The following MACF1 variants were observed in gnomAD, a reference collection of about 807,000 sequenced individuals.
The protein encoded by MACF1 is microtubule-actin cross-linking factor 1.
A neutral mutation model predicts 854.8 loss-of-function variants in MACF1; 193 were observed. The ratio of observed to expected loss-of-function variants is 0.23; its 90% CI spans 0.20 to 0.25. The LOEUF (loss-of-function observed/expected upper bound fraction) is 0.25. MACF1 is among the 10% of genes least tolerant of loss of function. The probability of loss-of-function intolerance (pLI) is 1.00; values close to 1 mark genes in which losing one functional copy is unlikely to be tolerated. For synonymous variants in MACF1, 3,185 were observed against 3,226.7 expected (o/e 0.99, Z 0.44); for missense variants, 7,722 against 8,929.1 (o/e 0.86, Z 5.45).
chr1:39,191,917 G>A (rs1267392387), intron 2 of MACF1, among the ~76,000 whole-genome samples: 7 of 152,226 alleles, frequency 4.6e-5, no homozygotes, highest in Admixed American at 3.3e-4. Context: ...TTGGGAGGCC[G>A]AAGCAGGTGG....
intron 6 of MACF1, chr1:39,269,725 G>A (rs754548065): frequency 7.8e-7 from 1 of 1,286,714 alleles, no homozygotes; most frequent in South Asian, 1.2e-5. Context: ...GAAGAGGTAG[G>A]TGGGCATGTT....
chr1:39,223,190 G>T (rs968523934), intron 1 of MACF1, among the ~76,000 whole-genome samples: 1 of 152,160 alleles, frequency 6.6e-6, no homozygotes, highest in Admixed American at 6.5e-5. Flanking sequence ...GAGAAAACCT[G>T]CCCCATTTGC....
intron 97 of MACF1, among the ~76,000 whole-genome samples, chr1:39,475,114 G>A (rs916480195): frequency 2.0e-5 from 3 of 152,096 alleles, no homozygotes; most frequent in Non-Finnish European, 2.9e-5. Flanking sequence ...TCAAAAAAAC[G>A]AAAAGTCACG....
At chr1:39,284,224 C>A in intron 10 of MACF1, 39 bp downstream of exon 10, 2 of 1,604,718 alleles carry the variant, frequency 1.2e-6, no homozygotes, top group East Asian at 2.2e-5. Context: ...TAAAATCTTT[C>A]TAGGGAGTAA....
chr1:39,419,938 G>A (rs904451550), intron 58 of MACF1, among the ~76,000 whole-genome samples: 3 of 152,062 alleles, frequency 2.0e-5, no homozygotes, highest in Non-Finnish European at 4.4e-5. Flanking sequence ...AAAGTGCCAG[G>A]ATTACAGGCA....
intron 52 of MACF1, among the ~76,000 whole-genome samples, chr1:39,376,529 T>A (rs569613436): frequency 1.3e-5 from 2 of 152,240 alleles, no homozygotes; most frequent in African/African-American, 2.4e-5. Context: ...GTTTGTAGAT[T>A]AAGGCTCACA....
chr1:39,372,347 A>G (rs1222554681), intron 51 of MACF1, 132 bp from the exon 52 acceptor site: 2 of 595,460 alleles, frequency 3.4e-6, no homozygotes. Context: ...TATTTGATAA[A>G]TGAATAAATA....
At chr1:39,442,391 T>A in intron 76 of MACF1, 21 bp from the exon 77 acceptor site, 1 of 1,611,272 alleles carries the variant, frequency 6.2e-7, no homozygotes, top group Non-Finnish European at 8.5e-7. Flanking sequence ...GAATATTCCC[T>A]TTCTGTCTTT....
chr1:39,195,384 A>G (rs1329116697), intron 2 of MACF1, among the ~76,000 whole-genome samples: 1 of 152,136 alleles, frequency 6.6e-6, no homozygotes, highest in Non-Finnish European at 1.5e-5. Context: ...CCTCTCATTC[A>G]TTTATTAATT....
At chr1:39,106,798 C>T (rs71642675) in intron 2 of MACF1, among the ~76,000 whole-genome samples, 1 of 139,600 alleles carries the variant, frequency 7.2e-6, no homozygotes, top group Non-Finnish European at 1.6e-5. Context: ...CCCCTCTCCC[C>T]CCTCCCCCCC....
chr1:39,223,047 C>T (rs747361972), intron 1 of MACF1, among the ~76,000 whole-genome samples: 3 of 151,974 alleles, frequency 2.0e-5, no homozygotes, highest in Non-Finnish European at 2.9e-5. Context: ...ATGCAATAAG[C>T]ACACAAACTA....
Position 39,293,585 on chromosome 1 carries a change from A to G in MACF1, c.2120A>G (p.Asn707Ser). Reference protein sequence around the residue: ...EELAYDWSDNNSNISAKRNYF... With the variant: ...EELAYDWSDNSSNISAKRNYF... ...CTAGCATATGACTGGAGTGACAACA[A>G]TTCCAATATCTCAGCCAAGAGAAAT... The change falls in exon 18 of 101, where the codon AAT becomes AGT. Residue 707 changes from asparagine to serine, a missense_variant. This residue lies in a region of MACF1 where 1,137 missense variants were observed against 1,263.0 expected (regional missense o/e 0.90). Coordinates refer to ENST00000564288, the MANE Select transcript of MACF1 (RefSeq NM_001394062.1). 3 of 1,613,714 alleles carry G rather than the reference A, an allele frequency of 1.9e-6. No individual in the cohort carries two copies. The highest frequency in any genetic ancestry group is 1.1e-5 in the South Asian group (1 of 91,006).
intron 49 of MACF1, among the ~76,000 whole-genome samples, chr1:39,363,017 A>G (rs1247141395): frequency 1.3e-5 from 2 of 152,160 alleles, no homozygotes; most frequent in Admixed American, 6.5e-5. Flanking sequence ...TTAGAATTAC[A>G]TTAGTATTTC....
At chr1:39,228,185 C>T (rs1644738013) in intron 1 of MACF1, among the ~76,000 whole-genome samples, 1 of 152,112 alleles carries the variant, frequency 6.6e-6, no homozygotes, top group South Asian at 2.1e-4. Flanking sequence ...TGGGTGGGCA[C>T]CTGTAATCGC....
intron 2 of MACF1, among the ~76,000 whole-genome samples, chr1:39,239,891 A>G (rs1199196908): frequency 1.3e-5 from 2 of 152,202 alleles, no homozygotes; most frequent in Non-Finnish European, 2.9e-5. Context: ...GCTTACAACC[A>G]ACCCTTCCTT....
At chr1:39,282,947 C>T (rs575590129) in intron 7 of MACF1, among the ~76,000 whole-genome samples, 11 of 152,160 alleles carry the variant, frequency 7.2e-5, no homozygotes, top group Admixed American at 5.9e-4. Flanking sequence ...CAGTTCTAAC[C>T]GACGATATTT....
intron 1 of MACF1, among the ~76,000 whole-genome samples, chr1:39,219,940 G>A (rs1466948813): frequency 1.3e-5 from 2 of 151,930 alleles, no homozygotes; most frequent in African/African-American, 4.8e-5. Context: ...TAGTAGAGAC[G>A]GGGTTTTGCC....
chr1:39,256,027 G>T (rs546116056), intron 5 of MACF1, among the ~76,000 whole-genome samples: 1 of 152,346 alleles, frequency 6.6e-6, no homozygotes, highest in Non-Finnish European at 1.5e-5. Context: ...TAGCTGTGCA[G>T]ATGGCCAAGG....
intron 51 of MACF1, 131 bp downstream of exon 51, chr1:39,370,317 C>A: frequency 1.3e-6 from 1 of 786,756 alleles, no homozygotes; most frequent in East Asian, 2.8e-5. Context: ...ACAGAAATTC[C>A]TACGTTTTCT....
Sources: gnomAD v4.1 joint callset for allele counts (sites outside exome capture counted in the v4.1 genomes callset) on GRCh38, gnomAD v4.1.1 for gene constraint, gnomAD v4.1.1 regional missense constraint, MANE v1.5 for transcripts, NCBI Gene and HGNC (gene_info 2026-07-23, HGNC 2026-07-21) for gene names.